The following EPHB1 variants were observed in gnomAD, a reference collection of about 807,000 sequenced individuals.
The protein encoded by EPHB1 is EPH receptor B1.
Under a neutral mutation model 94.4 loss-of-function variants are expected in EPHB1, and 30 were observed. The ratio of observed to expected loss-of-function variants is 0.32; its 90% CI spans 0.24 to 0.43. EPHB1 has a LOEUF of 0.43. Among genes scored for constraint, EPHB1 ranks in the 20% least tolerant of loss-of-function variants. EPHB1 has a pLI of 1.00. For missense variants in EPHB1, 1,055 were observed against 1,308.3 expected (o/e 0.81, Z 2.99); for synonymous variants, 522 against 489.1 (o/e 1.07, Z -0.89).
intron 2 of EPHB1, among the ~76,000 whole-genome samples, chr3:134,931,989 A>G (rs533009867): frequency 4.6e-5 from 7 of 151,592 alleles, no homozygotes; most frequent in South Asian, 2.1e-4. Context: ...GTGTATATAT[A>G]TGTGTGTGTC....
chr3:134,924,449 A>G (rs895655497), intron 1 of EPHB1, among the ~76,000 whole-genome samples: 7 of 152,250 alleles, frequency 4.6e-5, no homozygotes, highest in South Asian at 2.1e-4. Context: ...GACACTTCAA[A>G]GAAGATTTAT....
At chr3:135,121,296 A>G (rs1331838923) in intron 4 of EPHB1, among the ~76,000 whole-genome samples, 2 of 152,212 alleles carry the variant, frequency 1.3e-5, no homozygotes, top group African/African-American at 4.8e-5. Flanking sequence ...TCCAGATCTG[A>G]ATCTCCACAC....
rs1352193175 is a variant in EPHB1 at position 134,811,335 on chromosome 3, T to G, written c.58+15646T>G. ...CTCACCGCAAACTCTGCCTCCCAAG[T>G]TCAAGCAATCCTCCGGCTTCAGCCT... On this transcript the variant is annotated intron_variant, in intron 1 of 15. Transcript: ENST00000398015. 5.1e-5 allele frequency among the ~76,000 whole-genome samples: 7 copies of G among 138,234 alleles called. No individual in the cohort carries two copies. The East Asian group carries it at 1.7e-3, about 34-fold the overall frequency. The allele number at this position is 138,234 out of a possible 152,430, so 90.7% of individuals were successfully genotyped here.
At chr3:134,925,343 G>A (rs1309822834) in intron 1 of EPHB1, among the ~76,000 whole-genome samples, 4 of 152,206 alleles carry the variant, frequency 2.6e-5, no homozygotes, top group Admixed American at 2.0e-4. Flanking sequence ...AGAGGAAGGA[G>A]GGCAGACAGA....
At chr3:134,824,980 T>G (rs2036448998) in intron 1 of EPHB1, among the ~76,000 whole-genome samples, 1 of 152,238 alleles carries the variant, frequency 6.6e-6, no homozygotes, top group Admixed American at 6.5e-5. Context: ...AACTATCCAG[T>G]TGGGCCTGGC....
At chr3:135,112,122 A>G (rs1939472126) in intron 4 of EPHB1, among the ~76,000 whole-genome samples, 1 of 152,208 alleles carries the variant, frequency 6.6e-6, no homozygotes, top group African/African-American at 2.4e-5. Context: ...GGGCTGAAGG[A>G]GAAACTGAAA....
intron 15 of EPHB1, among the ~76,000 whole-genome samples, chr3:135,254,677 T>C (rs537294423): frequency 7.0e-6 from 1 of 142,596 alleles, no homozygotes; most frequent in African/African-American, 2.5e-5. Flanking sequence ...AAAATTCTCT[T>C]TTTTTTGTGT....
chr3:134,931,671 C>G (rs999193323), intron 2 of EPHB1, among the ~76,000 whole-genome samples: 1 of 152,138 alleles, frequency 6.6e-6, no homozygotes, highest in Non-Finnish European at 1.5e-5. Context: ...CATGAACCTT[C>G]AGGATGAGTG....
At chr3:135,221,827 TAAC>T (rs778766175) in intron 12 of EPHB1, among the ~76,000 whole-genome samples, 24 of 152,168 alleles carry the variant, frequency 1.6e-4, no homozygotes, top group Non-Finnish European at 3.4e-4. Context: ...CCTAAAAATG[TAAC>T]AAAATAAAAA....
At chr3:135,048,259 CTT>C (rs34135757) in intron 3 of EPHB1, among the ~76,000 whole-genome samples, 1,155 of 54,992 alleles carry the variant, frequency 0.021, 5 homozygotes, top group African/African-American at 0.081. Flanking sequence ...TTTCTTTTTT[CTT>C]TTTTTTTTTT....
intron 5 of EPHB1, among the ~76,000 whole-genome samples, chr3:135,147,591 G>T (rs1941053958): frequency 6.6e-6 from 1 of 152,098 alleles, no homozygotes; most frequent in Non-Finnish European, 1.5e-5. Context: ...TCACTGGGAG[G>T]GCACCCTCCA....
chr3:135,052,860 CAAAAAAA>C (rs1193207059), intron 3 of EPHB1, among the ~76,000 whole-genome samples: 9 of 12,090 alleles, frequency 7.4e-4, no homozygotes, highest in African/African-American at 4.3e-3. Context: ...GACTCCGTCT[CAAAAAAA>C]AAAAAAAAAA....
intron 2 of EPHB1, among the ~76,000 whole-genome samples, chr3:134,949,921 A>AG (rs1245836522): frequency 4.6e-5 from 7 of 152,274 alleles, no homozygotes; most frequent in African/African-American, 1.7e-4. Context: ...AGCTCAGTTA[A>AG]GGGAACCATG....
rs543584880 is a variant in EPHB1, at chr3:135,096,863, C to A, written c.806-9585C>A. The stretch of plus-strand genomic sequence containing the variant: ...CTGTAGTGCCAGCACTTTGGGAGGC[C>A]AAGGGGGGCGGATCACGAGGTCGGG... On this transcript the variant is annotated intron_variant, in intron 3 of 15. Coordinates refer to ENST00000398015, the MANE Select transcript of EPHB1 (RefSeq NM_004441.5). 3.6e-4 allele frequency among the ~76,000 whole-genome samples: 55 copies of A among 152,010 alleles called. No individual in the cohort carries two copies. In the South Asian group the frequency reaches 8.5e-3, roughly 24 times the overall value.
intron 3 of EPHB1, among the ~76,000 whole-genome samples, chr3:135,060,339 G>A (rs1400986961): frequency 2.6e-5 from 4 of 152,164 alleles, no homozygotes; most frequent in Non-Finnish European, 2.9e-5. Flanking sequence ...TGTCTATGTC[G>A]TAGCATGTGT....
At chr3:134,903,801 G>A (rs1166498901) in intron 1 of EPHB1, among the ~76,000 whole-genome samples, 1 of 152,170 alleles carries the variant, frequency 6.6e-6, no homozygotes, top group Non-Finnish European at 1.5e-5. Context: ...AAATTGCTTG[G>A]TGTTCTAAAG....
intron 3 of EPHB1, among the ~76,000 whole-genome samples, chr3:135,023,597 C>G (rs1323170591): frequency 6.6e-6 from 1 of 152,166 alleles, no homozygotes; most frequent in Admixed American, 6.5e-5. Flanking sequence ...AGAAATAGAT[C>G]ATTTCCACTA....
chr3:135,005,333 G>C (rs146390558), intron 3 of EPHB1, among the ~76,000 whole-genome samples: 2 of 152,208 alleles, frequency 1.3e-5, no homozygotes, highest in Admixed American at 6.5e-5. Context: ...CTCTAGCTGC[G>C]TGCTGGGAGA....
chr3:135,079,230 G>C (rs1393502445), intron 3 of EPHB1, among the ~76,000 whole-genome samples: 10 of 152,206 alleles, frequency 6.6e-5, no homozygotes, highest in Admixed American at 6.5e-4. Flanking sequence ...AGAATGAGTT[G>C]ATCATGGGGC....
Sources: gnomAD v4.1 joint callset for allele counts (sites outside exome capture counted in the v4.1 genomes callset) on GRCh38, gnomAD v4.1.1 for gene constraint, MANE v1.5 for transcripts, NCBI Gene and HGNC (gene_info 2026-07-23, HGNC 2026-07-21) for gene names.